PPP6C: variants seen among roughly 807,000 people sequenced by gnomAD.
The protein encoded by PPP6C is serine/threonine-protein phosphatase 6 catalytic subunit.
A neutral mutation model predicts 39.8 loss-of-function variants in PPP6C; 11 were observed. That is an observed-to-expected ratio of 0.28 (90% CI 0.17 to 0.46). The LOEUF (loss-of-function observed/expected upper bound fraction) is 0.46, where lower values mean the gene tolerates loss of function less well. Among genes scored for constraint, PPP6C ranks in the 20% least tolerant of loss-of-function variants. PPP6C has a pLI of 1.00. For synonymous variants in PPP6C, 129 were observed against 130.3 expected, an observed-to-expected ratio of 0.99 and a Z score of 0.07; for missense variants, 211 against 373.9, an observed-to-expected ratio of 0.56 and a Z score of 3.59.
At chr9:125,150,921 T>G (rs1835920553) in intron 6 of PPP6C, 1 of 1,019,496 alleles carries the variant, frequency 9.8e-7, no homozygotes. Flanking sequence ...CATCCCATGC[T>G]TCCCTTATGC....
chr9:125,171,505 A>ATATG (rs1829163033), intron 1 of PPP6C, among the ~76,000 whole-genome samples: 1 of 104,928 alleles, frequency 9.5e-6, no homozygotes, highest in Non-Finnish European at 2.1e-5. Context: ...ATATATATAT[A>ATATG]TATATATATA....
At chr9:125,165,314 G>A (rs536956941) in intron 2 of PPP6C, among the ~76,000 whole-genome samples, 5 of 151,882 alleles carry the variant, frequency 3.3e-5, no homozygotes, top group African/African-American at 7.3e-5. Context: ...CAGAAGAATC[G>A]CTTGAACCCG....
rs1386508647 is a variant in PPP6C at position 125,164,216 on chromosome 9, CTCTTTTTTTTT to C, written c.172-3321_172-3311del. On this transcript the variant is annotated intron_variant, in intron 2 of 6. Coordinates refer to ENST00000373547, the MANE Select transcript of PPP6C (RefSeq NM_002721.5). ...ATCTACTCTATGTCTCTCCCTCACT[CTCTTTTTTTTT>C]TTTTTTTTTTTTTTTTTGAGACGGA... Among the ~76,000 whole-genome samples, 4 of 119,794 alleles carry C rather than the reference CTCTTTTTTTTT, an allele frequency of 3.3e-5. 1 individual carries two copies. The East Asian group carries it at 8.6e-4, about 26-fold the overall frequency. The allele number at this position is 119,794 out of a possible 152,430, so 78.6% of individuals were successfully genotyped here. A position where few individuals can be genotyped will look rare whatever the true frequency, so the allele number is the denominator to read the frequency against.
chr9:125,182,825 C>T (rs1564159014), intron 1 of PPP6C, among the ~76,000 whole-genome samples: 1 of 150,776 alleles, frequency 6.6e-6, no homozygotes, highest in Non-Finnish European at 1.5e-5. Flanking sequence ...CAGACACTGC[C>T]AAAAATTCTT....
intron 1 of PPP6C, chr9:125,189,413 G>C: frequency 8.0e-7 from 1 of 1,244,100 alleles, no homozygotes; most frequent in South Asian, 1.6e-5. Flanking sequence ...GCGACCCTGG[G>C]ACAGAGGCCG....
chr9:125,178,006 A>G (rs1162471535), intron 1 of PPP6C, among the ~76,000 whole-genome samples: 1 of 152,156 alleles, frequency 6.6e-6, no homozygotes, highest in African/African-American at 2.4e-5. Context: ...GCACTGCATA[A>G]TATTTCATTG....
intron 1 of PPP6C, among the ~76,000 whole-genome samples, chr9:125,182,697 G>A (rs1017466694): frequency 8.0e-5 from 12 of 149,956 alleles, no homozygotes; most frequent in Non-Finnish European, 1.8e-4. Flanking sequence ...ATTCATTGCA[G>A]GGGACTGCTT....
rs763790974 is a variant in PPP6C at position 125,149,933 on chromosome 9, A to G, written c.670-12T>C. 2.9e-5 allele frequency: 47 copies of G among 1,611,862 alleles called. No homozygotes were observed. The highest frequency in any genetic ancestry group is 4.0e-5 in the Non-Finnish European group (47 of 1,178,834). ...TTGATATGAACAAACTGCAATTTAG[A>G]AAGGCACTGTAAGTACTTAGCACTT... On this transcript the variant is annotated splice_polypyrimidine_tract_variant and intron_variant, in intron 6 of 6. Coordinates refer to ENST00000373547, the MANE Select transcript of PPP6C (RefSeq NM_002721.5).
chr9:125,172,811 G>A (rs1353854558), intron 1 of PPP6C, among the ~76,000 whole-genome samples: 1 of 151,940 alleles, frequency 6.6e-6, no homozygotes, highest in Non-Finnish European at 1.5e-5. Context: ...ATCATGAGGT[G>A]ATGATCTTGG....
chr9:125,162,732 C>T lies in PPP6C; in HGVS notation c.172-1826G>A, dbSNP rs376360652. On this transcript the variant is annotated intron_variant, in intron 2 of 6. Transcript: ENST00000373547. Reference sequence around the variant, plus strand: ...TGGAGGATGCAGTAAGCCAAGATCACGCCACTGCACTCTAGCCTGGGTGAC... The same window carrying T: ...TGGAGGATGCAGTAAGCCAAGATCATGCCACTGCACTCTAGCCTGGGTGAC... Among the ~76,000 whole-genome samples, 18 of 145,472 alleles carry T rather than the reference C, an allele frequency of 1.2e-4. 1 individual carries two copies. In the East Asian group the frequency reaches 1.9e-3, roughly 15 times the overall value.
chr9:125,184,817 T>C (rs980690195), intron 1 of PPP6C, among the ~76,000 whole-genome samples: 1 of 151,142 alleles, frequency 6.6e-6, no homozygotes, highest in Non-Finnish European at 1.5e-5. Flanking sequence ...TACCAAAAAA[T>C]ATATATATAC....
chr9:125,183,883 G>GC (rs2131343619), intron 1 of PPP6C, among the ~76,000 whole-genome samples: 1 of 152,132 alleles, frequency 6.6e-6, no homozygotes, highest in South Asian at 2.1e-4. Context: ...TATATTGAAA[G>GC]CCCCTCAAAG....
intron 1 of PPP6C, among the ~76,000 whole-genome samples, chr9:125,188,107 T>A (rs1446458437): frequency 6.6e-6 from 1 of 150,510 alleles, no homozygotes; most frequent in Non-Finnish European, 1.5e-5. Flanking sequence ...GAGTCGGGGC[T>A]GGGCACGGTG....
Position 125,149,738 on chromosome 9 carries a change from A to G in PPP6C, c.853T>C (p.Phe285Leu). The change falls in exon 7 of 7, where the codon TTC (phenylalanine) becomes CTC (leucine). Residue 285 changes from phenylalanine (F) to leucine (L), a missense_variant. Physicochemically the swap from Phe to Leu is conservative, Grantham distance 22. Transcript: ENST00000373547. Reference sequence around the variant, plus strand: ...CGTTCTGAATCTGGAACTGCCCGGAATAACTTTGGTTCTCTTGTATTTACA... The same window carrying G: ...CGTTCTGAATCTGGAACTGCCCGGAGTAACTTTGGTTCTCTTGTATTTACA... ...KDVNTREPKL[F>L]RAVPDSERVI... 6.2e-7 allele frequency: 1 copy of G among 1,614,194 alleles called. No individual in the cohort carries two copies. Among genetic ancestry groups the G allele is most frequent in the Non-Finnish European group, 8.5e-7 (1 of 1,180,024 alleles).
At chr9:125,156,098 A>C (rs930360505) in intron 4 of PPP6C, among the ~76,000 whole-genome samples, 6 of 152,146 alleles carry the variant, frequency 3.9e-5, no homozygotes, top group Non-Finnish European at 1.5e-5. Flanking sequence ...AAAGAATCCA[A>C]AAGTTGTATT....
rs1210506013 is a variant in PPP6C at position 125,167,387 on chromosome 9, AAAAAAAAAAAAAGAAAT to A, written c.171+3681_171+3697del. 1.5e-3 allele frequency among the ~76,000 whole-genome samples: 211 copies of A among 136,292 alleles called. 2 individuals carry two copies. Among genetic ancestry groups the A allele is most frequent in the Admixed American group, 2.7e-3 (37 of 13,586 alleles). 89.4% of individuals were successfully genotyped at this position (136,292 alleles called of 152,430 possible). ...CAGAGCGAGACCCTGTCCAAAAAAA[AAAAAAAAAAAAAGAAAT>A]AAAAAAAAGGCCGGGCATGGTGACT... On this transcript the variant is annotated intron_variant, in intron 2 of 6. Coordinates refer to ENST00000373547, the MANE Select transcript of PPP6C (RefSeq NM_002721.5).
In PPP6C at chr9:125,171,124, T is replaced by C. The variant is rs1829138266; in HGVS notation, c.132A>G (p.Val44=). Residue 44 remains valine, a synonymous_variant, in exon 2 of 7, where the codon GTA becomes GTG. Coordinates refer to ENST00000373547, the MANE Select transcript of PPP6C (RefSeq NM_002721.5). ...LLLEESNVQP[V]STPVTVCGDI... ...CTCCACACACTGTTACTGGTGTTGA[T>C]ACTGGCTGAACATTTGACTCTTCTA... 1.2e-6 allele frequency: 2 copies of C among 1,605,398 alleles called. No individual in the cohort carries two copies. Among genetic ancestry groups the C allele is most frequent in the Admixed American group, 3.4e-5 (2 of 59,092 alleles).
chr9:125,177,292 T>G (rs1468430444), intron 1 of PPP6C, among the ~76,000 whole-genome samples: 2 of 152,144 alleles, frequency 1.3e-5, no homozygotes, highest in African/African-American at 4.8e-5. Flanking sequence ...GAGAATGGCG[T>G]GAACCCGGGA....
At chr9:125,180,838 C>T (rs1829406498) in intron 1 of PPP6C, among the ~76,000 whole-genome samples, 1 of 152,170 alleles carries the variant, frequency 6.6e-6, no homozygotes, top group Admixed American at 6.5e-5. Flanking sequence ...TATGTGCTAG[C>T]CTGAAAATAA....
Sources: gnomAD v4.1 joint callset for allele counts (sites outside exome capture counted in the v4.1 genomes callset) on GRCh38, gnomAD v4.1.1 for gene constraint, MANE v1.5 for transcripts, NCBI Gene and HGNC (gene_info 2026-07-23, HGNC 2026-07-21) for gene names.